The following WDR25 variants were observed in gnomAD, a reference collection of about 807,000 sequenced individuals.
WDR25 encodes the protein WD repeat-containing protein 25.
WDR25 carries 35 observed loss-of-function variants against 47.7 expected under a neutral mutation model. The observed-to-expected ratio is 0.73, with a 90% CI of 0.56 to 0.97. The LOEUF is 0.97. WDR25 is among the 50% of genes least tolerant of loss of function. The pLI is 0.00. For synonymous variants in WDR25, 248 were observed against 278.9 expected (o/e 0.89, Z 1.10); for missense variants, 634 against 704.7 (o/e 0.90, Z 1.14).
At chr14:100,431,735 A>G (rs1432318189) in intron 2 of WDR25, among the ~76,000 whole-genome samples, 1 of 141,966 alleles carries the variant, frequency 7.0e-6, no homozygotes, top group East Asian at 2.1e-4. Context: ...TTTGAGATGG[A>G]GTCTTGCTCT....
At chr14:100,458,647 A>T (rs949957829) in intron 2 of WDR25, among the ~76,000 whole-genome samples, 1 of 152,172 alleles carries the variant, frequency 6.6e-6, no homozygotes, top group African/African-American at 2.4e-5. Context: ...ACCAAGAGAG[A>T]CCATATAAAA....
intron 1 of WDR25, among the ~76,000 whole-genome samples, chr14:100,378,384 G>T (rs1419066329): frequency 6.6e-6 from 1 of 152,060 alleles, no homozygotes; most frequent in Non-Finnish European, 1.5e-5. Flanking sequence ...GGCCAGGCTG[G>T]TCTCGAACTC....
chr14:100,377,648 A>C (rs1002191879), intron 1 of WDR25, among the ~76,000 whole-genome samples: 2 of 151,570 alleles, frequency 1.3e-5, no homozygotes, highest in African/African-American at 2.4e-5. Context: ...GGAAGTTGTT[A>C]CCTGCCTGGA....
rs1900464282 is a variant in WDR25 at position 100,488,654 on chromosome 14, A to C, written c.1101+4530A>C. ...TTCAGCAGGTCCAGGTTGGGATAAG[A>C]TCCTGCATTTCTAACAAGCTCCCAG... On this transcript the variant is annotated intron_variant, in intron 4 of 6. Transcript: ENST00000402312. This position sits in a 1 kb window ranked among gnomAD's most constrained non-coding sequence, Gnocchi z 4.2. Among the ~76,000 whole-genome samples, 1 of 152,118 alleles carries C rather than the reference A, an allele frequency of 6.6e-6. No homozygotes were observed. The highest frequency in any genetic ancestry group is 2.4e-5 in the African/African-American group (1 of 41,422).
chr14:100,424,357 C>T lies in WDR25; in HGVS notation c.822+42611C>T, dbSNP rs115983073. 5.3e-3 allele frequency among the ~76,000 whole-genome samples: 807 copies of T among 152,312 alleles called. 7 individuals carry two copies. The highest frequency in any genetic ancestry group is 0.018 in the African/African-American group (766 of 41,558). ...GTTCACAGCCTCACAGTTTGCATCC[C>T]GTGTAAACAAACATCAGCACCTGTT... On this transcript the variant is annotated intron_variant, in intron 2 of 6. Transcript: ENST00000402312. This position sits in a 1 kb window ranked among gnomAD's most constrained non-coding sequence, Gnocchi z 4.2.
At chr14:100,514,064 T>C (rs1459441342) in intron 4 of WDR25, among the ~76,000 whole-genome samples, 1 of 151,742 alleles carries the variant, frequency 6.6e-6, no homozygotes, top group Non-Finnish European at 1.5e-5. Flanking sequence ...GCCTCCCAAG[T>C]AGCTGGGACT....
intron 2 of WDR25, among the ~76,000 whole-genome samples, chr14:100,433,510 G>C (rs902001252): frequency 1.3e-5 from 2 of 152,202 alleles, no homozygotes; most frequent in Non-Finnish European, 2.9e-5. Flanking sequence ...ATAATATGGA[G>C]AGGCACTTTG....
chr14:100,505,894 T>A (rs915104537), intron 4 of WDR25, among the ~76,000 whole-genome samples: 1 of 152,238 alleles, frequency 6.6e-6, no homozygotes, highest in Non-Finnish European at 1.5e-5. Context: ...GAAATACTAT[T>A]AACTTTCTTT....
chr14:100,480,911 C>A, intron 3 of WDR25: 1 of 338,662 alleles, frequency 3.0e-6, no homozygotes. Context: ...GCTCTCGTGG[C>A]TCTGCAGGCA....
At chr14:100,448,193 C>A (rs1206004947) in intron 2 of WDR25, among the ~76,000 whole-genome samples, 1,056 of 109,866 alleles carry the variant, frequency 9.6e-3, no homozygotes, top group Middle Eastern at 0.015. Context: ...AACTCCGTCT[C>A]AAAAAAAAAA....
chr14:100,394,415 G>C (rs1897213289), intron 2 of WDR25, among the ~76,000 whole-genome samples: 1 of 152,174 alleles, frequency 6.6e-6, no homozygotes, highest in South Asian at 2.1e-4. Flanking sequence ...CTCGGGCCTT[G>C]CTTTATGCTG....
At chr14:100,381,990 C>T (rs1026405415) in intron 2 of WDR25, 58 of 690,832 alleles carry the variant, frequency 8.4e-5, no homozygotes, top group Middle Eastern at 4.7e-4. Context: ...TTATCCCTCT[C>T]GGAGGCCGTG....
At chr14:100,403,267 C>G (rs1235617350) in intron 2 of WDR25, among the ~76,000 whole-genome samples, 2 of 152,158 alleles carry the variant, frequency 1.3e-5, no homozygotes, top group African/African-American at 4.8e-5. Flanking sequence ...TCTCTGGATC[C>G]TAGGGAGCAT....
chr14:100,416,855 T>G (rs1279854463), intron 2 of WDR25, among the ~76,000 whole-genome samples: 2 of 152,198 alleles, frequency 1.3e-5, no homozygotes, highest in Non-Finnish European at 2.9e-5. Context: ...TGGGGCTCAC[T>G]TATGGGACCC....
chr14:100,470,161 A>G (rs1899780399), intron 3 of WDR25, among the ~76,000 whole-genome samples: 1 of 152,176 alleles, frequency 6.6e-6, no homozygotes, highest in South Asian at 2.1e-4. Flanking sequence ...ATGGTTGATG[A>G]GGAGGAAAGT....
intron 2 of WDR25, among the ~76,000 whole-genome samples, chr14:100,429,780 C>A (rs1255733970): frequency 1.3e-5 from 2 of 152,076 alleles, no homozygotes; most frequent in Non-Finnish European, 2.9e-5. Context: ...GCACACATGG[C>A]CTTTCCTTGG....
At chr14:100,380,190 G>A (rs1326113709) in intron 1 of WDR25, among the ~76,000 whole-genome samples, 1 of 152,080 alleles carries the variant, frequency 6.6e-6, no homozygotes, top group Admixed American at 6.6e-5. Flanking sequence ...TGGGATTACA[G>A]TTGTGTGCCA....
chr14:100,388,450 C>T (rs1897066023), intron 2 of WDR25, among the ~76,000 whole-genome samples: 1 of 152,236 alleles, frequency 6.6e-6, no homozygotes, highest in Admixed American at 6.5e-5. Flanking sequence ...ATTTGCTTCT[C>T]TTCTTTCCCA....
chr14:100,404,258 G>A lies in WDR25; in HGVS notation c.822+22512G>A, dbSNP rs763309367. On this transcript the variant is annotated intron_variant, in intron 2 of 6. Coordinates refer to ENST00000402312, the MANE Select transcript of WDR25 (RefSeq NM_001161476.3). This position sits in a 1 kb window ranked among gnomAD's most constrained non-coding sequence, Gnocchi z 4.6. ...CTCAGGGCACGGTGCTGCAAGGTGC[G>A]GAGCTGGGAATGGAGTCCAGGGCTG... Among the ~76,000 whole-genome samples the A allele has an allele frequency of 2.0e-5, 3 of 152,230 alleles. No individual in the cohort carries two copies. The highest frequency in any genetic ancestry group is 1.9e-4 in the East Asian group (1 of 5,184).
Sources: allele counts gnomAD v4.1 joint callset (sites outside exome capture counted in the v4.1 genomes callset), GRCh38; gene constraint gnomAD v4.1.1; non-coding constraint Gnocchi (gnomAD v3.1); transcripts MANE v1.5; gene names NCBI Gene and HGNC (gene_info 2026-07-23, HGNC 2026-07-21).